Variants in ARID1B observed in about 807,000 individuals in gnomAD.
ARID1B encodes the protein AT-rich interaction domain 1B, also known as AT-rich interactive domain-containing protein 1B.
ARID1B carries 30 observed loss-of-function variants against 212.3 expected under a neutral mutation model. The observed-to-expected ratio is 0.14, with a 90% CI of 0.11 to 0.19. ARID1B has a LOEUF of 0.19. Among genes scored for constraint, ARID1B ranks in the 10% least tolerant of loss-of-function variants. ARID1B has a pLI of 1.00. For synonymous variants in ARID1B, 1,402 were observed against 1,301.7 expected (o/e 1.08, Z -1.66); for missense variants, 2,891 against 3,204.0 (o/e 0.90, Z 2.36).
intron 2 of ARID1B, among the ~76,000 whole-genome samples, chr6:156,863,500 C>G (rs1785476934): frequency 6.6e-6 from 1 of 152,082 alleles, no homozygotes; most frequent in Non-Finnish European, 1.5e-5. Flanking sequence ...TTTGGATATA[C>G]TGATTTTGAA....
chr6:156,799,773 C>T (rs1006463961), intron 1 of ARID1B, among the ~76,000 whole-genome samples: 6 of 152,194 alleles, frequency 3.9e-5, no homozygotes, highest in Non-Finnish European at 7.3e-5. Context: ...CCACCACACC[C>T]GGCCTCAAAT....
At chr6:156,839,175 A>T (rs1199651035) in intron 2 of ARID1B, among the ~76,000 whole-genome samples, 2 of 152,208 alleles carry the variant, frequency 1.3e-5, no homozygotes, top group Admixed American at 1.3e-4. Context: ...GCTGTAAAAA[A>T]AATCACAGAC....
Position 157,206,082 on chromosome 6 carries a change from C to G in ARID1B, c.5395-85C>G, listed in dbSNP as rs1794419689. On this transcript the variant is annotated intron_variant, in intron 19 of 19. Coordinates refer to ENST00000636930, the MANE Select transcript of ARID1B (RefSeq NM_001374828.1). This position sits in a 1 kb window ranked among gnomAD's most constrained non-coding sequence, Gnocchi z 6.8. ...CAATGATGGAAAGGTATTGACGGGT[C>G]TCAGGATCTTTACCCTCCTCGGTCA... The G allele has an allele frequency of 2.1e-6, 3 of 1,421,878 alleles. No homozygotes were observed. In the South Asian group the frequency reaches 4.0e-5, roughly 19 times the overall value. The allele number at this position is 1,421,878 out of a possible 1,614,324, so 88.1% of individuals were successfully genotyped here. A position where few individuals can be genotyped will look rare whatever the true frequency, so the allele number is the denominator to read the frequency against.
At chr6:156,891,246 C>T (rs1161078946) in intron 2 of ARID1B, among the ~76,000 whole-genome samples, 1 of 152,164 alleles carries the variant, frequency 6.6e-6, no homozygotes, top group East Asian at 1.9e-4. Context: ...CAGGAGCCAG[C>T]AGGATTTGCC....
chr6:157,039,676 TCCTTCCTTCCTTCCTTCC>T (rs777533253), intron 4 of ARID1B, among the ~76,000 whole-genome samples: 1,062 of 101,014 alleles, frequency 0.011, 22 homozygotes, highest in Non-Finnish European at 0.014. Flanking sequence ...CTTCCTTCCT[TCCTTCCTTCCTTCCTTCC>T]TTCTTTCTTT....
intron 2 of ARID1B, among the ~76,000 whole-genome samples, chr6:156,869,652 G>A (rs974794908): frequency 6.6e-6 from 1 of 152,158 alleles, no homozygotes; most frequent in African/African-American, 2.4e-5. Flanking sequence ...AGACTTGCAG[G>A]CATGCAAGTG....
intron 4 of ARID1B, among the ~76,000 whole-genome samples, chr6:157,057,343 T>C (rs1264487577): frequency 6.6e-6 from 1 of 152,188 alleles, no homozygotes; most frequent in Non-Finnish European, 1.5e-5. Flanking sequence ...GAATCAAATA[T>C]AATACAACAT....
chr6:157,137,245 G>A (rs1788989595), intron 7 of ARID1B, among the ~76,000 whole-genome samples: 1 of 152,100 alleles, frequency 6.6e-6, no homozygotes, highest in South Asian at 2.1e-4. Context: ...ATGTATATTA[G>A]TACTATAAAA....
At chr6:156,929,384 A>C (rs1010387023) in intron 3 of ARID1B, among the ~76,000 whole-genome samples, 1 of 152,154 alleles carries the variant, frequency 6.6e-6, no homozygotes, top group Non-Finnish European at 1.5e-5. Flanking sequence ...AAGCCTAGGG[A>C]TGATTTCACG....
chr6:156,955,051 G>C lies in ARID1B; in HGVS notation c.2247+19475G>C, dbSNP rs752331583. Among the ~76,000 whole-genome samples the C allele has an allele frequency of 6.6e-6, 1 of 152,222 alleles. No homozygotes were observed. The highest frequency in any genetic ancestry group is 2.4e-5 in the African/African-American group (1 of 41,458). ...GCAGCTGCAGCCCACTCTTGCCACT[G>C]TGATGGGAGCTGCTCTGAAGGATAC... On this transcript the variant is annotated intron_variant, in intron 4 of 19. Transcript: ENST00000636930. This position sits in a 1 kb window ranked among gnomAD's most constrained non-coding sequence, Gnocchi z 4.2.
chr6:156,945,626 G>A (rs1459817310), intron 4 of ARID1B, among the ~76,000 whole-genome samples: 1 of 152,136 alleles, frequency 6.6e-6, no homozygotes, highest in Non-Finnish European at 1.5e-5. Flanking sequence ...TGTGTAGTTG[G>A]TCTTTTGGAA....
Position 156,936,325 on chromosome 6 carries a change from A to G in ARID1B, c.2247+749A>G, listed in dbSNP as rs562647498. 6.5e-3 allele frequency: 915 copies of G among 141,646 alleles called. 7 individuals carry two copies. Among genetic ancestry groups the G allele is most frequent in the Middle Eastern group, 0.046 (12 of 262 alleles). 8.8% of individuals were successfully genotyped at this position (141,646 alleles called of 1,614,324 possible). On this transcript the variant is annotated intron_variant, in intron 4 of 19. Transcript: ENST00000636930. ...CCATTGCACTTCAGCCTGGGCAACAAGAGCGAAACTTCATCTCAAAAAAAA... is the reference window on the plus strand; with the variant it reads ...CCATTGCACTTCAGCCTGGGCAACAGGAGCGAAACTTCATCTCAAAAAAAA...
At chr6:156,873,730 C>G (rs2128150737) in intron 2 of ARID1B, among the ~76,000 whole-genome samples, 1 of 152,340 alleles carries the variant, frequency 6.6e-6, no homozygotes, top group South Asian at 2.1e-4. Flanking sequence ...GGTTTGCCTT[C>G]TTGTCTCCTG....
intron 1 of ARID1B, among the ~76,000 whole-genome samples, chr6:156,793,223 T>G (rs1780130347): frequency 6.6e-6 from 1 of 152,128 alleles, no homozygotes; most frequent in South Asian, 2.1e-4. Flanking sequence ...GTCATTAAGG[T>G]CAGGATGGCC....
chr6:156,896,600 A>AAAAAAAG (rs1491291654), intron 2 of ARID1B, among the ~76,000 whole-genome samples: 8 of 146,320 alleles, frequency 5.5e-5, no homozygotes, highest in African/African-American at 1.8e-4. Flanking sequence ...AAAAAAAAAA[A>AAAAAAAG]GAGGACACAG....
chr6:156,777,721 C>CG lies in ARID1B; in HGVS notation c.42dup (p.Arg15AlafsTer73). The CG allele has an allele frequency of 6.0e-6, 1 of 166,908 alleles. No homozygotes were observed. The highest frequency in any genetic ancestry group is 1.2e-5 in the Non-Finnish European group (1 of 85,920). 10.3% of individuals were successfully genotyped at this position (166,908 alleles called of 1,614,324 possible). A position where few individuals can be genotyped will look rare whatever the true frequency, so the allele number is the denominator to read the frequency against. The stretch of plus-strand genomic sequence containing the variant: ...GCAGCGGCGGCGGCGGCGGCGGCGG[C>CG]GCGGGCGCGGGCGCGGGCAGGCAGC... On this transcript the variant is annotated frameshift_variant, in exon 1 of 20. Coordinates refer to ENST00000636930, the MANE Select transcript of ARID1B (RefSeq NM_001374828.1). LOFTEE classifies it high-confidence loss of function.
chr6:156,916,193 A>AT (rs921103848), intron 3 of ARID1B, among the ~76,000 whole-genome samples: 8 of 151,832 alleles, frequency 5.3e-5, no homozygotes, highest in Non-Finnish European at 1.0e-4. Flanking sequence ...GACATTGGTA[A>AT]TTTTTTTTGA....
chr6:156,904,068 T>G (rs1382319437), intron 3 of ARID1B, among the ~76,000 whole-genome samples: 1 of 152,242 alleles, frequency 6.6e-6, no homozygotes, highest in Non-Finnish European at 1.5e-5. Flanking sequence ...TCTTCCCGTC[T>G]TAGTTCCCTC....
chr6:157,016,202 A>C (rs1323727312), intron 4 of ARID1B, among the ~76,000 whole-genome samples: 1 of 152,170 alleles, frequency 6.6e-6, no homozygotes, highest in Non-Finnish European at 1.5e-5. Flanking sequence ...TTTTCACGTC[A>C]ATAATCACTG....
Sources: allele counts gnomAD v4.1 joint callset (sites outside exome capture counted in the v4.1 genomes callset), GRCh38; gene constraint gnomAD v4.1.1; non-coding constraint Gnocchi (gnomAD v3.1); transcripts MANE v1.5; gene names NCBI Gene and HGNC (gene_info 2026-07-23, HGNC 2026-07-21).